SKAP1: variants seen among roughly 807,000 people sequenced by gnomAD.
The protein encoded by SKAP1 is src kinase-associated phosphoprotein 1.
Under a neutral mutation model 58.5 loss-of-function variants are expected in SKAP1, and 44 were observed. That is an observed-to-expected ratio of 0.75 (90% CI 0.59 to 0.97). SKAP1 has a LOEUF of 0.97. Among genes scored for constraint, SKAP1 ranks in the 50% least tolerant of loss-of-function variants. SKAP1 has a pLI of 0.00. For synonymous variants in SKAP1, 127 were observed against 149.7 expected, an observed-to-expected ratio of 0.85 and a Z score of 1.11; for missense variants, 390 against 435.2, an observed-to-expected ratio of 0.90 and a Z score of 0.92.
chr17:48,397,287 G>A lies in SKAP1; in HGVS notation c.47-502C>T, dbSNP rs550925617. On this transcript the variant is annotated intron_variant, in intron 1 of 12. Coordinates refer to ENST00000336915, the MANE Select transcript of SKAP1 (RefSeq NM_003726.4). The stretch of plus-strand genomic sequence containing the variant: ...GTTGCCCAGGTTGGAGTGCAGTGGC[G>A]TCATCTTGGCTCACTGCAACCTTCA... 1.9e-3 allele frequency among the ~76,000 whole-genome samples: 285 copies of A among 152,250 alleles called. 1 individual carries two copies. Among genetic ancestry groups the A allele is most frequent in the African/African-American group, 6.7e-3 (278 of 41,552 alleles).
intron 4 of SKAP1, among the ~76,000 whole-genome samples, chr17:48,277,631 G>A (rs946908181): frequency 1.2e-4 from 19 of 152,090 alleles, no homozygotes; most frequent in African/African-American, 4.6e-4. Flanking sequence ...TTTAACAAAC[G>A]TCATAGAAAA....
At chr17:48,442,119 C>A in the SKAP1 span, among the ~76,000 whole-genome samples, 1 of 152,098 alleles carries the variant, frequency 6.6e-6, no homozygotes, top group Non-Finnish European at 1.5e-5. Flanking sequence ...GAGGAGGCAA[C>A]CATTTATGTA....
In SKAP1 at chr17:48,400,665, T is replaced by C. The variant is rs572064564; in HGVS notation, c.47-3880A>G. ...CTCAGGAGGCTAAGGTGGCCTCATT[T>C]GAGCCCAGGGAGGTTGAGGCTGCAG... On this transcript the variant is annotated intron_variant, in intron 1 of 12. Coordinates refer to ENST00000336915, the MANE Select transcript of SKAP1 (RefSeq NM_003726.4). Among the ~76,000 whole-genome samples the C allele has an allele frequency of 1.2e-3, 187 of 152,120 alleles. 1 individual carries two copies. The highest frequency in any genetic ancestry group is 4.5e-3 in the African/African-American group (185 of 41,502).
chr17:48,273,332 C>T (rs1189110259), intron 4 of SKAP1, among the ~76,000 whole-genome samples: 1 of 152,136 alleles, frequency 6.6e-6, no homozygotes, highest in Non-Finnish European at 1.5e-5. Flanking sequence ...AATTTTCAAC[C>T]TCCACTGGAC....
intron 11 of SKAP1, among the ~76,000 whole-genome samples, chr17:48,146,169 C>CCA (rs1567791683): frequency 6.6e-6 from 1 of 152,040 alleles, no homozygotes; most frequent in South Asian, 2.1e-4. Context: ...CTCGCGCTCC[C>CCA]CACACACAGG....
At chr17:48,299,909 A>T (rs1313804531) in intron 4 of SKAP1, among the ~76,000 whole-genome samples, 1 of 152,094 alleles carries the variant, frequency 6.6e-6, no homozygotes, top group Non-Finnish European at 1.5e-5. Context: ...TTGCGGAATG[A>T]TGATGAATAA....
chr17:48,349,895 T>C (rs1473199924), intron 3 of SKAP1, among the ~76,000 whole-genome samples: 1 of 152,202 alleles, frequency 6.6e-6, no homozygotes, highest in Admixed American at 6.5e-5. Flanking sequence ...TTAATGAGTT[T>C]TCCCCCTTAA....
chr17:48,181,500 A>G (rs545604775), intron 8 of SKAP1, among the ~76,000 whole-genome samples: 5 of 152,352 alleles, frequency 3.3e-5, no homozygotes, highest in Admixed American at 6.5e-5. Flanking sequence ...CTTTTGTGAT[A>G]GCAAAGGCAT....
chr17:48,310,290 TTCATGAGAGAA>T, intron 4 of SKAP1, among the ~76,000 whole-genome samples: 1 of 152,206 alleles, frequency 6.6e-6, no homozygotes, highest in Non-Finnish European at 1.5e-5. Context: ...GAAATTTACT[TTCATGAGAGAA>T]GAAAATTGAG....
chr17:48,342,813 G>A (rs555483001), intron 4 of SKAP1, among the ~76,000 whole-genome samples: 5 of 152,052 alleles, frequency 3.3e-5, no homozygotes, highest in East Asian at 3.9e-4. Context: ...GTGAAACCCC[G>A]TCTCTACTAA....
chr17:48,141,256 ATTC>A (rs367628735), intron 11 of SKAP1, among the ~76,000 whole-genome samples: 2 of 152,194 alleles, frequency 1.3e-5, no homozygotes, highest in East Asian at 3.9e-4. Context: ...CTGTATCAGC[ATTC>A]TTCTTCTCCA....
chr17:48,240,169 T>C (rs981058149), intron 4 of SKAP1, among the ~76,000 whole-genome samples: 9 of 150,122 alleles, frequency 6.0e-5, no homozygotes, highest in African/African-American at 2.2e-4. Context: ...TTGCTAGATA[T>C]GAGGGAGAAG....
chr17:48,279,270 G>C (rs1239092734), intron 4 of SKAP1, among the ~76,000 whole-genome samples: 1 of 152,140 alleles, frequency 6.6e-6, no homozygotes, highest in Non-Finnish European at 1.5e-5. Flanking sequence ...AAGTGCAAAG[G>C]TCTTGTTCAG....
At chr17:48,347,848 A>G (rs895029451) in intron 3 of SKAP1, among the ~76,000 whole-genome samples, 3 of 152,220 alleles carry the variant, frequency 2.0e-5, no homozygotes, top group Non-Finnish European at 4.4e-5. Flanking sequence ...CTGCCTGGCT[A>G]GTAACCTGAA....
intron 4 of SKAP1, among the ~76,000 whole-genome samples, chr17:48,240,076 A>G (rs1299449206): frequency 6.6e-6 from 1 of 152,204 alleles, no homozygotes; most frequent in African/African-American, 2.4e-5. Flanking sequence ...GCTCTGATAA[A>G]GATTCTCAGA....
At chr17:48,142,807 T>A (rs1397214597) in intron 11 of SKAP1, among the ~76,000 whole-genome samples, 1 of 151,994 alleles carries the variant, frequency 6.6e-6, no homozygotes, top group African/African-American at 2.4e-5. Flanking sequence ...ACACCTTCTT[T>A]TCTTGTTTTG....
chr17:48,422,405 A>G (rs1188471276), intron 1 of SKAP1, among the ~76,000 whole-genome samples: 1 of 152,258 alleles, frequency 6.6e-6, no homozygotes, highest in Non-Finnish European at 1.5e-5. Context: ...TATGGTGTTT[A>G]GTACATACCA....
intron 11 of SKAP1, among the ~76,000 whole-genome samples, chr17:48,161,028 A>C (rs1193627388): frequency 2.0e-5 from 3 of 152,100 alleles, no homozygotes; most frequent in Non-Finnish European, 4.4e-5. Context: ...TTGTGATCTC[A>C]CTCAACAAGG....
chr17:48,325,082 A>G (rs1230155484), intron 4 of SKAP1, among the ~76,000 whole-genome samples: 3 of 152,016 alleles, frequency 2.0e-5, no homozygotes, highest in Non-Finnish European at 4.4e-5. Flanking sequence ...CCCCGTCTCT[A>G]CTAACAAATA....
Sources: allele counts gnomAD v4.1 joint callset (sites outside exome capture counted in the v4.1 genomes callset), GRCh38; gene constraint gnomAD v4.1.1; transcripts MANE v1.5; gene names NCBI Gene and HGNC (gene_info 2026-07-23, HGNC 2026-07-21).